The following ADCY10 variants were observed in gnomAD, a reference collection of about 807,000 sequenced individuals.
ADCY10 encodes the protein adenylate cyclase 10, also known as adenylate cyclase type 10.
Under a neutral mutation model 183.3 loss-of-function variants are expected in ADCY10, and 156 were observed. The observed-to-expected ratio is 0.85, with a 90% CI of 0.75 to 0.97. The LOEUF (loss-of-function observed/expected upper bound fraction) is 0.97, where lower values mean the gene tolerates loss of function less well. Among genes scored for constraint, ADCY10 ranks in the 50% least tolerant of loss-of-function variants. The pLI is 0.00. For missense variants in ADCY10, 1,745 were observed against 1,934.3 expected (o/e 0.90, Z 1.84); for synonymous variants, 645 against 670.0 (o/e 0.96, Z 0.58).
chr1:167,833,935 T>A (rs753940866), intron 24 of ADCY10, 35 bp downstream of exon 24: 35 of 1,521,534 alleles, frequency 2.3e-5, no homozygotes, highest in Non-Finnish European at 3.1e-5. Flanking sequence ...CTAAGATATA[T>A]AACAGATAAA....
At chr1:167,833,557 C>T (rs745661656) in intron 24 of ADCY10, among the ~76,000 whole-genome samples, 11 of 152,158 alleles carry the variant, frequency 7.2e-5, no homozygotes, top group Non-Finnish European at 1.6e-4. Flanking sequence ...ACCAGCCTGG[C>T]CAACATGGTG....
chr1:167,867,319 G>A (rs749220306), intron 14 of ADCY10, among the ~76,000 whole-genome samples: 1 of 152,116 alleles, frequency 6.6e-6, no homozygotes, highest in Non-Finnish European at 1.5e-5. Flanking sequence ...ACTGGTCCAC[G>A]CACGGCCGAA....
intron 7 of ADCY10, among the ~76,000 whole-genome samples, chr1:167,895,614 G>T (rs1028099953): frequency 1.3e-5 from 2 of 152,140 alleles, no homozygotes; most frequent in African/African-American, 2.4e-5. Context: ...CATAGGTAGG[G>T]TATTTTGTTT....
chr1:167,903,991 C>T lies in ADCY10; in HGVS notation c.149G>A (p.Gly50Asp), dbSNP rs1278157098. ...GAACTTCTCAGTCATTGCAGTAAAA[C>T]CTGGAATAAATGTGCAGCTGGTTTC... ...DGVLMFVDIS[G>D]FTAMTEKFSS... The change falls in exon 3 of 33, where the codon GGT (glycine) becomes GAT (aspartate). Residue 50 changes from glycine to aspartate, a missense_variant and splice_region_variant. Transcript: ENST00000367851. The T allele has an allele frequency of 5.0e-6, 8 of 1,608,712 alleles. No homozygotes were observed. In the Admixed American group the frequency reaches 1.3e-4, roughly 27 times the overall value.
At chr1:167,901,964 A>G (rs1669459818) in intron 4 of ADCY10, 52 bp downstream of exon 4, 1 of 1,609,028 alleles carries the variant, frequency 6.2e-7, no homozygotes, top group East Asian at 2.2e-5. Context: ...ACAGAAGCAC[A>G]GGCACCTCAG....
intron 1 of ADCY10, among the ~76,000 whole-genome samples, chr1:167,909,169 T>G (rs1403874842): frequency 6.6e-6 from 1 of 152,242 alleles, no homozygotes; most frequent in Non-Finnish European, 1.5e-5. Context: ...TACTACATAT[T>G]TTGTGTTTGT....
At chr1:167,818,353 C>G (rs1359258008) in intron 30 of ADCY10, 86 bp from the exon 31 acceptor site, 8 of 1,193,118 alleles carry the variant, frequency 6.7e-6, no homozygotes, top group Non-Finnish European at 1.0e-5. Flanking sequence ...GGATGTGCAG[C>G]TTCCTTTACC....
chr1:167,833,929 G>A, intron 24 of ADCY10, 41 bp downstream of exon 24: 1 of 1,483,706 alleles, frequency 6.7e-7, no homozygotes, highest in Non-Finnish European at 9.4e-7. Context: ...AAAGGCCTAA[G>A]ATATATAACA....
At position 167,818,254 on chromosome 1, in the gene ADCY10, G is replaced by A. The variant is rs1439034693; in HGVS notation, c.4300C>T (p.Gln1434Ter). The change falls in exon 31 of 33, where the codon CAG (glutamine) becomes TAG (stop). Residue 1434 changes from glutamine (Q) to a stop codon, truncating the protein, a stop_gained. Transcript: ENST00000367851. LOFTEE classifies it high-confidence loss of function. Reference sequence around the variant, plus strand: ...AATTTGTAAAAGTTGTCCCATTCCTGAAGTCTGGCATACCTGCATTACCAC... The same window carrying A: ...AATTTGTAAAAGTTGTCCCATTCCTAAAGTCTGGCATACCTGCATTACCAC... ...SSVAIWYARL[Q>*]EWDNFYKFSN... is the part of the protein sequence containing the mutation. The A allele has an allele frequency of 6.2e-7, 1 of 1,614,064 alleles. No individual in the cohort carries two copies. The highest frequency in any genetic ancestry group is 1.7e-5 in the Admixed American group (1 of 60,022).
At position 167,809,529 on chromosome 1, in the gene ADCY10, C is replaced by A; in HGVS notation, c.*149G>T. 1 of 899,606 alleles carries A rather than the reference C, an allele frequency of 1.1e-6. No homozygotes were observed. The highest frequency in any genetic ancestry group is 1.7e-6 in the Non-Finnish European group (1 of 574,592). 55.7% of individuals were successfully genotyped at this position (899,606 alleles called of 1,614,324 possible). ...GACACTCCTGACCCTTGTAGGCCCTCCAGAAAGAGAAGAAATCAACATGTC... is the reference window on the plus strand; with the variant it reads ...GACACTCCTGACCCTTGTAGGCCCTACAGAAAGAGAAGAAATCAACATGTC... On this transcript the variant is annotated 3_prime_UTR_variant, in exon 33 of 33. Coordinates refer to ENST00000367851, the MANE Select transcript of ADCY10 (RefSeq NM_018417.6).
At chr1:167,910,880 C>T (rs749807304) in intron 1 of ADCY10, among the ~76,000 whole-genome samples, 1 of 152,156 alleles carries the variant, frequency 6.6e-6, no homozygotes, top group Non-Finnish European at 1.5e-5. Flanking sequence ...CTAATGAAAA[C>T]AGAGGATGCT....
At chr1:167,833,676 C>T (rs370765579) in intron 24 of ADCY10, among the ~76,000 whole-genome samples, 6 of 147,422 alleles carry the variant, frequency 4.1e-5, no homozygotes, top group African/African-American at 1.5e-4. Context: ...ACCCAGGAGA[C>T]GGAATTTGCA....
At position 167,901,691 on chromosome 1, in the gene ADCY10, T is replaced by G; in HGVS notation, c.407A>C (p.Glu136Ala). ...IHGLFETQEWEEGLDIRVKIG... is the reference protein window; with the variant it reads ...IHGLFETQEWAEGLDIRVKIG... ...CTTGACTCGGATGTCTAGGCCTTCT[T>G]CCCACTCCTGGGTCTCAAACAATCC... Residue 136 changes from glutamate (E) to alanine (A), a missense_variant, in exon 5 of 33, where the codon GAA (glutamate) becomes GCA (alanine). Transcript: ENST00000367851. The G allele has an allele frequency of 6.2e-7, 1 of 1,614,192 alleles. No homozygotes were observed. The highest frequency in any genetic ancestry group is 8.5e-7 in the Non-Finnish European group (1 of 1,180,042).
chr1:167,841,502 C>CTTTTTTTTTT lies in ADCY10; in HGVS notation c.3007+4051_3007+4060dup, dbSNP rs71100905. Among the ~76,000 whole-genome samples, 76 of 90,892 alleles carry CTTTTTTTTTT rather than the reference C, an allele frequency of 8.4e-4. 8 individuals carry two copies. Among genetic ancestry groups the CTTTTTTTTTT allele is most frequent in the African/African-American group, 2.8e-3 (44 of 15,782 alleles). The allele number at this position is 90,892 out of a possible 152,430, so 59.6% of individuals were successfully genotyped here. On this transcript the variant is annotated intron_variant, in intron 21 of 32. Coordinates refer to ENST00000367851, the MANE Select transcript of ADCY10 (RefSeq NM_018417.6). ...TTTATCGCTTATACTATATGCTTTC[C>CTTTTTTTTTT]TTTTTTTTTTTTTTTTTTTTTAAGA...
intron 8 of ADCY10, among the ~76,000 whole-genome samples, chr1:167,884,183 C>T (rs1387728812): frequency 1.3e-5 from 2 of 152,120 alleles, no homozygotes; most frequent in Non-Finnish European, 2.9e-5. Context: ...AAAGAACTAC[C>T]TGATACTGGG....
At chr1:167,829,207 A>T (rs1231472730) in intron 26 of ADCY10, 60 bp downstream of exon 26, 1 of 1,596,850 alleles carries the variant, frequency 6.3e-7, no homozygotes, top group Admixed American at 1.7e-5. Context: ...GGCTTTCACT[A>T]GGCTTTTCTT....
At position 167,845,863 on chromosome 1, in the gene ADCY10, G is replaced by C. The variant is rs1423258423; in HGVS notation, c.2717-10C>G. ...TCCTCTTCACCGTGATCTGGAGAGA[G>C]CAAAAAGGGTTTTTCAGCCAGGCAG... On this transcript the variant is annotated splice_polypyrimidine_tract_variant and intron_variant, in intron 20 of 32. Transcript: ENST00000367851. 1.2e-6 allele frequency: 2 copies of C among 1,614,030 alleles called. No individual in the cohort carries two copies. The highest frequency in any genetic ancestry group is 8.5e-7 in the Non-Finnish European group (1 of 1,180,028).
intron 4 of ADCY10, 77 bp downstream of exon 4, chr1:167,901,939 T>TC (rs1669457422): frequency 1.2e-5 from 19 of 1,606,398 alleles, no homozygotes; most frequent in Non-Finnish European, 1.6e-5. Flanking sequence ...CTAGGATGCC[T>TC]CCTTTGTCCC....
At chr1:167,852,693 C>A (rs1184543648) in intron 18 of ADCY10, among the ~76,000 whole-genome samples, 1 of 151,494 alleles carries the variant, frequency 6.6e-6, no homozygotes, top group East Asian at 1.9e-4. Context: ...CAGAGAAAGT[C>A]TTCTCCATTT....
Sources: gnomAD v4.1 joint callset for allele counts (sites outside exome capture counted in the v4.1 genomes callset) on GRCh38, gnomAD v4.1.1 for gene constraint, MANE v1.5 for transcripts, NCBI Gene and HGNC (gene_info 2026-07-23, HGNC 2026-07-21) for gene names.